CTNNA2: variants seen among roughly 807,000 people sequenced by gnomAD.
CTNNA2 encodes catenin alpha 2.
CTNNA2 carries 42 observed loss-of-function variants against 101.0 expected under a neutral mutation model. That is an observed-to-expected ratio of 0.42 (90% confidence interval 0.32 to 0.54). The LOEUF (loss-of-function observed/expected upper bound fraction) is 0.54, where lower values mean the gene tolerates loss of function less well. CTNNA2 is among the 20% of genes least tolerant of loss of function. The probability of loss-of-function intolerance (pLI) is 0.14; values close to 1 mark genes in which losing one functional copy is unlikely to be tolerated. For synonymous variants in CTNNA2, 450 were observed against 456.4 expected, an observed-to-expected ratio of 0.99 and a Z score of 0.18; for missense variants, 871 against 1,223.1, an observed-to-expected ratio of 0.71 and a Z score of 4.29.
chr2:79,323,064 A>C (rs570155229), intron 3 of CTNNA2, among the ~76,000 whole-genome samples: 4 of 152,138 alleles, frequency 2.6e-5, no homozygotes, highest in Non-Finnish European at 5.9e-5. Context: ...GATAAACAGG[A>C]TTTGGTGCTG....
intron 7 of CTNNA2, among the ~76,000 whole-genome samples, chr2:79,968,002 C>A (rs965449617): frequency 2.0e-5 from 3 of 152,130 alleles, no homozygotes; most frequent in African/African-American, 4.8e-5. Flanking sequence ...CCAGAATTGG[C>A]AAATCTATAG....
chr2:79,953,618 T>C (rs1689031054), intron 7 of CTNNA2, among the ~76,000 whole-genome samples: 1 of 152,210 alleles, frequency 6.6e-6, no homozygotes, highest in African/African-American at 2.4e-5. Context: ...GATTATTGGG[T>C]AGGAGTATGG....
chr2:80,605,646 C>G (rs989182829), intron 16 of CTNNA2: 1 of 151,890 alleles, frequency 6.6e-6, no homozygotes, highest in South Asian at 2.1e-4. Context: ...CAAGTCAATA[C>G]CAAATTCACA....
At chr2:79,669,066 T>C (rs924928649) in intron 2 of CTNNA2, among the ~76,000 whole-genome samples, 11 of 152,148 alleles carry the variant, frequency 7.2e-5, no homozygotes, top group Non-Finnish European at 1.2e-4. Flanking sequence ...CCTTAAGATC[T>C]ACTGACAAAT....
At chr2:80,569,493 C>G (rs1694360920) in intron 12 of CTNNA2, among the ~76,000 whole-genome samples, 2 of 151,978 alleles carry the variant, frequency 1.3e-5, no homozygotes, top group African/African-American at 2.4e-5. Context: ...ATTCCTATAT[C>G]AAAAACTCTG....
At chr2:79,551,613 A>G (rs146412806) in intron 1 of CTNNA2, among the ~76,000 whole-genome samples, 1 of 152,144 alleles carries the variant, frequency 6.6e-6, no homozygotes, top group African/African-American at 2.4e-5. Flanking sequence ...GCCATTCTCA[A>G]ATTGCTATAA....
At chr2:79,398,927 C>T (rs1678260664) in intron 4 of CTNNA2, among the ~76,000 whole-genome samples, 1 of 151,810 alleles carries the variant, frequency 6.6e-6, no homozygotes, top group East Asian at 1.9e-4. Flanking sequence ...CAAATTTTAT[C>T]TCCCTTTCCA....
At chr2:79,814,726 C>T (rs1677343183) in intron 3 of CTNNA2, among the ~76,000 whole-genome samples, 1 of 151,904 alleles carries the variant, frequency 6.6e-6, no homozygotes. Context: ...GTGAATTGTG[C>T]TGCTATAAAC....
In CTNNA2 at chr2:80,133,388, T is replaced by A. The variant is rs934058819; in HGVS notation, c.1056+223591T>A. On this transcript the variant is annotated intron_variant, in intron 7 of 18. Transcript: ENST00000402739. Reference sequence around the variant, plus strand: ...ACCCAGTTTGTGGCACTTTGTTACGTCAGCCCTGTGAAACAAACAAACAAA... The same window carrying A: ...ACCCAGTTTGTGGCACTTTGTTACGACAGCCCTGTGAAACAAACAAACAAA... Among the ~76,000 whole-genome samples the A allele has an allele frequency of 5.3e-5, 8 of 152,146 alleles. 1 individual carries two copies. Among genetic ancestry groups the A allele is most frequent in the Non-Finnish European group, 1.5e-5 (1 of 68,030 alleles).
Position 80,057,356 on chromosome 2 carries a change from G to A in CTNNA2, c.1056+147559G>A, listed in dbSNP as rs115287970. Among the ~76,000 whole-genome samples the A allele has an allele frequency of 6.9e-3, 1,054 of 152,150 alleles. 6 individuals are homozygous for A. Among genetic ancestry groups the A allele is most frequent in the African/African-American group, 0.019 (782 of 41,514 alleles). On this transcript the variant is annotated intron_variant, in intron 7 of 18. Transcript: ENST00000402739. ...AATAAGAATAGCATATAATTTGTCC[G>A]GAACTAACCTTCTGAAATACACCAT... is the stretch of plus-strand genomic sequence containing the variant.
intron 15 of CTNNA2, among the ~76,000 whole-genome samples, chr2:80,603,178 T>TA (rs1462714494): frequency 6.6e-6 from 1 of 152,076 alleles, no homozygotes; most frequent in African/African-American, 2.4e-5. Flanking sequence ...TTAACGATGC[T>TA]AAAAATGATA....
chr2:79,857,757 A>G (rs1202716470), intron 3 of CTNNA2, among the ~76,000 whole-genome samples: 3 of 152,196 alleles, frequency 2.0e-5, no homozygotes, highest in Non-Finnish European at 4.4e-5. Flanking sequence ...GGAATTAAAT[A>G]TACTCCTTAT....
chr2:79,774,923 A>G (rs535567743), intron 3 of CTNNA2, among the ~76,000 whole-genome samples: 4 of 152,278 alleles, frequency 2.6e-5, no homozygotes, highest in African/African-American at 7.2e-5. Flanking sequence ...AATTGTTCCT[A>G]TATTGCAGAT....
At chr2:80,094,450 G>C (rs1402869258) in intron 7 of CTNNA2, among the ~76,000 whole-genome samples, 1 of 152,170 alleles carries the variant, frequency 6.6e-6, no homozygotes, top group South Asian at 2.1e-4. Context: ...GATGCCTCCA[G>C]CTTTGTTCCT....
At chr2:80,014,563 C>G (rs1165575423) in intron 7 of CTNNA2, among the ~76,000 whole-genome samples, 1 of 152,156 alleles carries the variant, frequency 6.6e-6, no homozygotes, top group African/African-American at 2.4e-5. Context: ...CTGTAAGTCA[C>G]CTTAAAAGAC....
At chr2:79,966,967 C>G (rs1690110938) in intron 7 of CTNNA2, among the ~76,000 whole-genome samples, 1 of 152,018 alleles carries the variant, frequency 6.6e-6, no homozygotes, top group African/African-American at 2.4e-5. Flanking sequence ...AGTGCCTTGG[C>G]TCTTCTCCTT....
chr2:80,109,941 A>G (rs1035604006), intron 7 of CTNNA2, among the ~76,000 whole-genome samples: 1 of 152,112 alleles, frequency 6.6e-6, no homozygotes, highest in Non-Finnish European at 1.5e-5. Context: ...TCCTTTTTTA[A>G]TCTGAATTAA....
intron 12 of CTNNA2, among the ~76,000 whole-genome samples, chr2:80,569,481 A>G (rs1046986039): frequency 1.3e-5 from 2 of 152,036 alleles, no homozygotes; most frequent in African/African-American, 4.8e-5. Context: ...GCTTCTATTT[A>G]TATTCCTATA....
intron 11 of CTNNA2, among the ~76,000 whole-genome samples, chr2:80,550,939 T>C (rs964060697): frequency 4.6e-5 from 7 of 152,204 alleles, no homozygotes; most frequent in African/African-American, 1.7e-4. Context: ...TTTAATTTAC[T>C]TTGCCCAGAT....
Sources: allele counts gnomAD v4.1 joint callset (sites outside exome capture counted in the v4.1 genomes callset), GRCh38; gene constraint gnomAD v4.1.1; transcripts MANE v1.5; gene names NCBI Gene and HGNC (gene_info 2026-07-23, HGNC 2026-07-21).